The following SEC61A2 variants were observed in gnomAD, a reference collection of about 807,000 sequenced individuals.
The protein encoded by SEC61A2 is protein transport protein Sec61 subunit alpha isoform 2.
SEC61A2 carries 28 observed loss-of-function variants against 59.9 expected under a neutral mutation model. The observed-to-expected ratio is 0.47, with a 90% CI of 0.35 to 0.64. The LOEUF (loss-of-function observed/expected upper bound fraction) is 0.64, where lower values mean the gene tolerates loss of function less well. SEC61A2 is among the 30% of genes least tolerant of loss of function. The pLI is 0.01. For synonymous variants in SEC61A2, 202 were observed against 214.4 expected (o/e 0.94, Z 0.50); for missense variants, 340 against 585.9 (o/e 0.58, Z 4.33).
Position 12,157,890 on chromosome 10 carries a change from C to G in SEC61A2, c.778-18C>G. ...AATGTGTCTGGCTCCCCCACTTACT[C>G]TCCGTTTCCTTTTTTAGGGATTTCG... On this transcript the variant is annotated intron_variant, in intron 8 of 11. Coordinates refer to ENST00000298428, the MANE Select transcript of SEC61A2 (RefSeq NM_018144.4). 1 of 1,613,210 alleles carries G rather than the reference C, an allele frequency of 6.2e-7. No individual in the cohort carries two copies. The highest frequency in any genetic ancestry group is 8.5e-7 in the Non-Finnish European group (1 of 1,179,234).
At chr10:12,140,406 CTGT>C (rs1305935939) in intron 3 of SEC61A2, among the ~76,000 whole-genome samples, 3 of 152,132 alleles carry the variant, frequency 2.0e-5, no homozygotes, top group African/African-American at 7.2e-5. Flanking sequence ...TGTTGCCCAC[CTGT>C]TGTTGTACAT....
intron 4 of SEC61A2, among the ~76,000 whole-genome samples, chr10:12,144,292 C>A (rs1355405262): frequency 6.6e-6 from 1 of 152,126 alleles, no homozygotes. Flanking sequence ...AGATTGGTGA[C>A]TATCAATTGA....
chr10:12,169,530 T>C, downstream of SEC61A2: 2 of 493,976 alleles, frequency 4.0e-6, no homozygotes, highest in Admixed American at 3.7e-5. The surrounding 1 kb of genome is among the most constrained non-coding windows in gnomAD (Gnocchi z 4.8). Flanking sequence ...CTGCCTCGTA[T>C]TGATTGTCAT....
In SEC61A2 at chr10:12,154,351, A is replaced by G. The variant is rs777185140; in HGVS notation, c.463-1427A>G. Reference sequence around the variant, plus strand: ...TAGTCCGATGGTCACTGTTCTGAACAGGGGGTGTGGAGAATTAGAGTTGTT... The same window carrying G: ...TAGTCCGATGGTCACTGTTCTGAACGGGGGGTGTGGAGAATTAGAGTTGTT... On this transcript the variant is annotated intron_variant, in intron 6 of 11. Transcript: ENST00000298428. The surrounding 1 kb of genome is among the most constrained non-coding windows in gnomAD (Gnocchi z 5.2). Among the ~76,000 whole-genome samples, 1 of 152,166 alleles carries G rather than the reference A, an allele frequency of 6.6e-6. No individual in the cohort carries two copies. Among genetic ancestry groups the G allele is most frequent in the Non-Finnish European group, 1.5e-5 (1 of 68,030 alleles).
At chr10:12,167,749 T>C, downstream of SEC61A2, 1 of 1,614,224 alleles carries the variant, frequency 6.2e-7, no homozygotes, top group Non-Finnish European at 8.5e-7. Context: ...TTTGCATGTT[T>C]CAGTGCTAGA....
rs772557744 is a variant in SEC61A2 at position 12,149,729 on chromosome 10, G to A, written c.352+3G>A. ...TTTATTCAATGGAGCCCAGAAACGTGAGCATTAATGCAATTAAAGAGCATT... is the reference window on the plus strand; with the variant it reads ...TTTATTCAATGGAGCCCAGAAACGTAAGCATTAATGCAATTAAAGAGCATT... On this transcript the variant is annotated splice_donor_region_variant and intron_variant, in intron 5 of 11. Transcript: ENST00000298428. The surrounding 1 kb of genome is among the most constrained non-coding windows in gnomAD (Gnocchi z 5.2). 1.4e-5 allele frequency: 23 copies of A among 1,609,414 alleles called. No homozygotes were observed. In the South Asian group the frequency reaches 2.3e-4, roughly 16 times the overall value.
rs1834492041 is a variant in SEC61A2, at chr10:12,160,001, G to C, written c.976-929G>C. ...ATACTTCTTTCCCATTCATTTAAGA[G>C]AAATGTGATGATCTCTGTTGTATTC... On this transcript the variant is annotated intron_variant, in intron 9 of 11. Transcript: ENST00000298428. This position sits in a 1 kb window ranked among gnomAD's most constrained non-coding sequence, Gnocchi z 4.1. Among the ~76,000 whole-genome samples the C allele has an allele frequency of 6.6e-6, 1 of 152,122 alleles. No homozygotes were observed. The highest frequency in any genetic ancestry group is 1.5e-5 in the Non-Finnish European group (1 of 68,014).
Position 12,155,415 on chromosome 10 carries a change from A to G in SEC61A2, c.463-363A>G. ...TTTTACTTCCTTGGAGGTATTTGGG[A>G]TGTTTTCAGTTTCTTGCTGTCATAA... On this transcript the variant is annotated intron_variant, in intron 6 of 11. Coordinates refer to ENST00000298428, the MANE Select transcript of SEC61A2 (RefSeq NM_018144.4). The surrounding 1 kb of genome is among the most constrained non-coding windows in gnomAD (Gnocchi z 4.3). 1 of 1,411,354 alleles carries G rather than the reference A, an allele frequency of 7.1e-7. No individual in the cohort carries two copies. The highest frequency in any genetic ancestry group is 1.3e-5 in the South Asian group (1 of 75,084). 87.4% of individuals were successfully genotyped at this position (1,411,354 alleles called of 1,614,324 possible).
intron 2 of SEC61A2, among the ~76,000 whole-genome samples, chr10:12,134,744 C>T (rs901610824): frequency 7.9e-5 from 12 of 151,514 alleles, no homozygotes; most frequent in African/African-American, 2.7e-4. Flanking sequence ...GGTGAAGCCC[C>T]GACTCTACTA....
chr10:12,168,863 A>G (rs1295649973), downstream of SEC61A2, among the ~76,000 whole-genome samples: 1 of 151,988 alleles, frequency 6.6e-6, no homozygotes, highest in African/African-American at 2.4e-5. This position sits in a 1 kb window ranked among gnomAD's most constrained non-coding sequence, Gnocchi z 4.8. Flanking sequence ...CCCGGGTTCA[A>G]GCGATTCTCC....
chr10:12,160,963 C>A lies in SEC61A2; in HGVS notation c.1009C>A (p.Pro337Thr). 1 of 1,613,836 alleles carries A rather than the reference C, an allele frequency of 6.2e-7. No homozygotes were observed. The highest frequency in any genetic ancestry group is 8.5e-7 in the Non-Finnish European group (1 of 1,179,904). The change falls in exon 10 of 12, where the codon CCA (proline) becomes ACA (threonine). Residue 337 changes from proline to threonine, a missense_variant. By Grantham distance (38) the Pro-to-Thr change is conservative (BLOSUM62 -1). Around this residue, in one of 3 missense-constraint regions of SEC61A2, gnomAD observed 283 missense variants for 483.2 expected, o/e 0.59. Coordinates refer to ENST00000298428, the MANE Select transcript of SEC61A2 (RefSeq NM_018144.4). This position sits in a 1 kb window ranked among gnomAD's most constrained non-coding sequence, Gnocchi z 4.1. ...TGGGGGAGGACCCGCACGTTCTTACCCAGTTGGAGGCCTTTGTTACTATCT... is the reference window on the plus strand; with the variant it reads ...TGGGGGAGGACCCGCACGTTCTTACACAGTTGGAGGCCTTTGTTACTATCT... ...VSGGGPARSY[P>T]VGGLCYYLSP...
rs776436659 is a variant in SEC61A2 at position 12,153,376 on chromosome 10, C to T, written c.463-2402C>T. ...TAGAACTGGCATGTAGCTCGTAGAA[C>T]ATTATACATCAAGAAAAGCTCTCTA... On this transcript the variant is annotated intron_variant, in intron 6 of 11. Transcript: ENST00000298428. This position sits in a 1 kb window ranked among gnomAD's most constrained non-coding sequence, Gnocchi z 5.2. 3.9e-5 allele frequency among the ~76,000 whole-genome samples: 6 copies of T among 152,154 alleles called. No homozygotes were observed. The highest frequency in any genetic ancestry group is 5.9e-5 in the Non-Finnish European group (4 of 68,020).
chr10:12,147,622 T>C (rs943424583), intron 4 of SEC61A2, among the ~76,000 whole-genome samples: 3 of 151,046 alleles, frequency 2.0e-5, no homozygotes, highest in Non-Finnish European at 4.4e-5. Context: ...GAGGTGGAGG[T>C]TGCAGTGAGC....
At chr10:12,151,606 G>A (rs1158875486) in intron 6 of SEC61A2, among the ~76,000 whole-genome samples, 2 of 151,300 alleles carry the variant, frequency 1.3e-5, no homozygotes, top group Admixed American at 6.6e-5. Flanking sequence ...CACTGTGCCC[G>A]GCCAGGTATT....
intron 3 of SEC61A2, among the ~76,000 whole-genome samples, chr10:12,141,369 T>G (rs1464963694): frequency 2.0e-5 from 3 of 152,242 alleles, no homozygotes; most frequent in Admixed American, 2.0e-4. Flanking sequence ...TTTTGTAACT[T>G]TCTTAAAAAT....
At position 12,145,897 on chromosome 10, in the gene SEC61A2, G is replaced by A. The variant is rs138372928; in HGVS notation, c.220+2702G>A. The stretch of plus-strand genomic sequence containing the variant: ...CTGGTTATTTTTTGGAATCTACAGT[G>A]GAGATGAACAGCTAAGCCCCAGGAA... On this transcript the variant is annotated intron_variant, in intron 4 of 11. Transcript: ENST00000298428. The surrounding 1 kb of genome is among the most constrained non-coding windows in gnomAD (Gnocchi z 4.4). Among the ~76,000 whole-genome samples, 324 of 152,348 alleles carry A rather than the reference G, an allele frequency of 2.1e-3. 7 individuals carry two copies. In the East Asian group the frequency reaches 0.054, roughly 25 times the overall value.
At position 12,149,118 on chromosome 10, in the gene SEC61A2, C is replaced by G. The variant is rs549937343; in HGVS notation, c.221-477C>G. On this transcript the variant is annotated intron_variant, in intron 4 of 11. Transcript: ENST00000298428. The surrounding 1 kb of genome is among the most constrained non-coding windows in gnomAD (Gnocchi z 5.2). ...TTTTGGTTTGTTTTTGAGATGGAGT[C>G]TCACTCTGTTGCCCGGGCTGGAGTG... Among the ~76,000 whole-genome samples the G allele has an allele frequency of 6.6e-6, 1 of 152,076 alleles. No individual in the cohort carries two copies. The highest frequency in any genetic ancestry group is 2.1e-4 in the South Asian group (1 of 4,814).
chr10:12,131,747 A>G (rs73579274), intron 1 of SEC61A2, among the ~76,000 whole-genome samples: 130,148 of 130,148 alleles, frequency 1, 65,074 homozygotes, highest in Non-Finnish European at 1. Context: ...CTGGAGTGCA[A>G]TGGCTCCATC....
chr10:12,169,340 C>T, downstream of SEC61A2: 7 of 1,529,178 alleles, frequency 4.6e-6, no homozygotes, highest in Non-Finnish European at 6.2e-6. The surrounding 1 kb of genome is among the most constrained non-coding windows in gnomAD (Gnocchi z 4.8). Flanking sequence ...GATAACCCCG[C>T]ACGGCATTTC....
Sources: allele counts gnomAD v4.1 joint callset (sites outside exome capture counted in the v4.1 genomes callset), GRCh38; gene constraint gnomAD v4.1.1; regional missense constraint gnomAD v4.1.1; non-coding constraint Gnocchi (gnomAD v3.1); transcripts MANE v1.5; gene names NCBI Gene and HGNC (gene_info 2026-07-23, HGNC 2026-07-21).